GATAD2B: variants seen among roughly 807,000 people sequenced by gnomAD.
The protein encoded by GATAD2B is GATA zinc finger domain containing 2B.
Under a neutral mutation model 64.3 loss-of-function variants are expected in GATAD2B, and 8 were observed. That is an observed-to-expected ratio of 0.12 (90% CI 0.07 to 0.22). The LOEUF (loss-of-function observed/expected upper bound fraction) is 0.22, where lower values mean the gene tolerates loss of function less well. Ranked by LOEUF, GATAD2B falls within the 10% of genes least tolerant of loss-of-function variation. The probability of loss-of-function intolerance (pLI) is 1.00; values close to 1 mark genes in which losing one functional copy is unlikely to be tolerated. For synonymous variants in GATAD2B, 281 were observed against 271.3 expected, an observed-to-expected ratio of 1.04 and a Z score of -0.35; for missense variants, 453 against 752.0, an observed-to-expected ratio of 0.60 and a Z score of 4.65.
intron 1 of GATAD2B, among the ~76,000 whole-genome samples, chr1:153,895,751 T>C (rs943861638): frequency 6.6e-6 from 1 of 152,176 alleles, no homozygotes; most frequent in African/African-American, 2.4e-5. Context: ...CAGTTACCTG[T>C]TTCTCTTTAT....
chr1:153,908,158 G>A (rs181646721), intron 1 of GATAD2B, among the ~76,000 whole-genome samples: 50 of 152,102 alleles, frequency 3.3e-4, no homozygotes, highest in African/African-American at 1.1e-3. Flanking sequence ...ACTCACGCAC[G>A]CACACATCTA....
At chr1:153,916,383 C>T (rs1392153677) in intron 1 of GATAD2B, among the ~76,000 whole-genome samples, 2 of 151,582 alleles carry the variant, frequency 1.3e-5, no homozygotes, top group Admixed American at 6.6e-5. Flanking sequence ...GCAATGGAGA[C>T]ACAGAAGAAG....
At position 153,809,669 on chromosome 1, in the gene GATAD2B, T is replaced by A. The variant is rs1286820314; in HGVS notation, c.*508A>T. 6.9e-6 allele frequency: 1 copy of A among 144,640 alleles called. No individual in the cohort carries two copies. The highest frequency in any genetic ancestry group is 1.5e-5 in the Non-Finnish European group (1 of 67,336). The allele number at this position is 144,640 out of a possible 1,614,324, so 9.0% of individuals were successfully genotyped here. A position where few individuals can be genotyped will look rare whatever the true frequency, so the allele number is the denominator to read the frequency against. Reference sequence around the variant, plus strand: ...TTGGCAGCTGGGACCCCTACTGCAATCTGCAATGCTCGTATCATTGAACTG... The same window carrying A: ...TTGGCAGCTGGGACCCCTACTGCAAACTGCAATGCTCGTATCATTGAACTG... On this transcript the variant is annotated 3_prime_UTR_variant, in exon 11 of 11. Transcript: ENST00000368655.
intron 1 of GATAD2B, among the ~76,000 whole-genome samples, chr1:153,840,222 C>T (rs1163142153): frequency 6.7e-6 from 1 of 149,844 alleles, no homozygotes; most frequent in Admixed American, 6.7e-5. Context: ...TTAGTAGAGA[C>T]GGGGGTTTCA....
chr1:153,836,263 G>GTTTTTTTTTTT (rs754264117), intron 1 of GATAD2B, among the ~76,000 whole-genome samples: 1 of 106,576 alleles, frequency 9.4e-6, no homozygotes. Flanking sequence ...AAAAAAATTT[G>GTTTTTTTTTTT]TTTTTTTTTT....
At chr1:153,868,166 C>A (rs1213975659) in intron 1 of GATAD2B, among the ~76,000 whole-genome samples, 2 of 151,804 alleles carry the variant, frequency 1.3e-5, no homozygotes, top group African/African-American at 4.8e-5. Flanking sequence ...CGTGCCACTG[C>A]ACTCTAGACT....
At chr1:153,824,735 T>C (rs1674809784) in intron 2 of GATAD2B, among the ~76,000 whole-genome samples, 2 of 149,974 alleles carry the variant, frequency 1.3e-5, no homozygotes, top group African/African-American at 2.5e-5. Flanking sequence ...TCAAAATGTC[T>C]ACAGGAGCAG....
intron 1 of GATAD2B, among the ~76,000 whole-genome samples, chr1:153,919,595 T>C (rs1325216902): frequency 6.6e-6 from 1 of 152,112 alleles, no homozygotes; most frequent in African/African-American, 2.4e-5. Flanking sequence ...ATAAACCAAA[T>C]AATATGGCTA....
chr1:153,898,811 T>G (rs982133188), intron 1 of GATAD2B: 12 of 152,016 alleles, frequency 7.9e-5, no homozygotes, highest in African/African-American at 2.7e-4. Flanking sequence ...AGCAAGAAAA[T>G]CAGTCAGCAA....
chr1:153,904,736 C>G (rs576675728), intron 1 of GATAD2B, among the ~76,000 whole-genome samples: 1 of 151,764 alleles, frequency 6.6e-6, no homozygotes, highest in African/African-American at 2.4e-5. Flanking sequence ...GACAGAGTCT[C>G]TTGCTCTGTC....
chr1:153,882,452 T>A (rs912325233), intron 1 of GATAD2B, among the ~76,000 whole-genome samples: 1 of 152,150 alleles, frequency 6.6e-6, no homozygotes, highest in Admixed American at 6.6e-5. Flanking sequence ...AGATAGGACA[T>A]CTGATTTAAC....
At chr1:153,833,811 C>CAAAA (rs71093292) in intron 1 of GATAD2B, among the ~76,000 whole-genome samples, 1 of 61,946 alleles carries the variant, frequency 1.6e-5, no homozygotes, top group Non-Finnish European at 3.2e-5. Context: ...ACTCAGTCTC[C>CAAAA]AAAAAAAAAA....
At chr1:153,855,199 G>A (rs78637297) in intron 1 of GATAD2B, among the ~76,000 whole-genome samples, 16 of 149,660 alleles carry the variant, frequency 1.1e-4, no homozygotes, top group East Asian at 2.0e-4. Context: ...TTTTTGAAAC[G>A]TAACTGTAGC....
chr1:153,911,256 T>C (rs1028843298), intron 1 of GATAD2B, among the ~76,000 whole-genome samples: 3 of 152,084 alleles, frequency 2.0e-5, no homozygotes, highest in African/African-American at 7.2e-5. Context: ...ACACTGAGAA[T>C]GGTTGGTTTT....
chr1:153,867,468 C>G (rs1676516355), intron 1 of GATAD2B, among the ~76,000 whole-genome samples: 1 of 151,868 alleles, frequency 6.6e-6, no homozygotes, highest in African/African-American at 2.4e-5. Context: ...ATGATTGCAC[C>G]ATTGTACTCC....
At chr1:153,892,069 G>A (rs1677426538) in intron 1 of GATAD2B, among the ~76,000 whole-genome samples, 1 of 150,686 alleles carries the variant, frequency 6.6e-6, no homozygotes, top group African/African-American at 2.4e-5. Context: ...GGAGGCTGAG[G>A]CAGGAGAATT....
chr1:153,870,284 A>T (rs549510924), intron 1 of GATAD2B, among the ~76,000 whole-genome samples: 1 of 152,046 alleles, frequency 6.6e-6, no homozygotes, highest in Admixed American at 6.6e-5. Flanking sequence ...AAAAGGAAAA[A>T]ATCCGGCCAG....
intron 10 of GATAD2B, among the ~76,000 whole-genome samples, chr1:153,811,276 C>A (rs1674284223): frequency 6.6e-6 from 1 of 152,128 alleles, no homozygotes; most frequent in Non-Finnish European, 1.5e-5. Flanking sequence ...TCGGTCCTAC[C>A]AAGAATAATG....
chr1:153,903,961 G>T (rs1478277129), intron 1 of GATAD2B, among the ~76,000 whole-genome samples: 1 of 151,950 alleles, frequency 6.6e-6, no homozygotes, highest in Non-Finnish European at 1.5e-5. Flanking sequence ...TCCAGCGTTG[G>T]CAACAGCATG....
Sources: allele counts gnomAD v4.1 joint callset (sites outside exome capture counted in the v4.1 genomes callset), GRCh38; gene constraint gnomAD v4.1.1; transcripts MANE v1.5; gene names NCBI Gene and HGNC (gene_info 2026-07-23, HGNC 2026-07-21).